BAZ1A: variants seen among roughly 807,000 people sequenced by gnomAD.
The protein encoded by BAZ1A is bromodomain adjacent to zinc finger domain protein 1A.
Under a neutral mutation model 185.2 loss-of-function variants are expected in BAZ1A, and 50 were observed. The observed-to-expected ratio is 0.27, with a 90% CI of 0.22 to 0.34. The LOEUF (loss-of-function observed/expected upper bound fraction) is 0.34, where lower values mean the gene tolerates loss of function less well. Among genes scored for constraint, BAZ1A ranks in the 10% least tolerant of loss-of-function variants. The pLI is 1.00. For synonymous variants in BAZ1A, 571 were observed against 615.6 expected, an observed-to-expected ratio of 0.93 and a Z score of 1.07; for missense variants, 1,356 against 1,839.9, an observed-to-expected ratio of 0.74 and a Z score of 4.81.
chr14:34,862,458 G>T, intron 2 of BAZ1A, 136 bp from the exon 3 acceptor site: 1 of 894,144 alleles, frequency 1.1e-6, no homozygotes. Context: ...AGAACTCAAG[G>T]GTTTGGTAAC....
intron 16 of BAZ1A, among the ~76,000 whole-genome samples, chr14:34,782,231 GTTA>G (rs1880082283): frequency 6.6e-6 from 1 of 152,142 alleles, no homozygotes; most frequent in African/African-American, 2.4e-5. Context: ...ATCCAAACTT[GTTA>G]TTGTTTGTCA....
intron 2 of BAZ1A, among the ~76,000 whole-genome samples, chr14:34,870,671 C>T (rs1377036080): frequency 1.3e-5 from 2 of 152,158 alleles, no homozygotes; most frequent in East Asian, 3.8e-4. Context: ...CATACTTCAA[C>T]AGATATCAGG....
intron 3 of BAZ1A, among the ~76,000 whole-genome samples, chr14:34,832,799 A>G (rs2042269169): frequency 6.6e-6 from 1 of 152,204 alleles, no homozygotes; most frequent in African/African-American, 2.4e-5. Context: ...CATATAGCCC[A>G]GTAATTCCAC....
intron 12 of BAZ1A, among the ~76,000 whole-genome samples, chr14:34,789,546 G>C (rs1217997461): frequency 1.3e-5 from 2 of 152,068 alleles, no homozygotes; most frequent in Admixed American, 1.3e-4. Context: ...TGATAATCTA[G>C]AATTAGGTGC....
intron 20 of BAZ1A, among the ~76,000 whole-genome samples, chr14:34,772,346 T>TTGAGAAAGTGA (rs1157581557): frequency 7.9e-5 from 12 of 152,278 alleles, no homozygotes; most frequent in African/African-American, 2.9e-4. Flanking sequence ...ACTTTAGGGC[T>TTGAGAAAGTGA]CAGCTTTGCA....
intron 3 of BAZ1A, among the ~76,000 whole-genome samples, chr14:34,827,461 C>A (rs1171121879): frequency 2.0e-5 from 3 of 152,088 alleles, no homozygotes; most frequent in Non-Finnish European, 4.4e-5. Flanking sequence ...CATTGCCGGG[C>A]GCGGTGGCTC....
intron 3 of BAZ1A, among the ~76,000 whole-genome samples, chr14:34,859,836 T>C (rs1184188648): frequency 1.3e-5 from 2 of 152,162 alleles, no homozygotes; most frequent in African/African-American, 4.8e-5. Flanking sequence ...ACATATGAAT[T>C]CTAATTCGTG....
At chr14:34,784,949 T>C (rs1471694369) in intron 14 of BAZ1A, among the ~76,000 whole-genome samples, 1 of 151,888 alleles carries the variant, frequency 6.6e-6, no homozygotes, top group Non-Finnish European at 1.5e-5. Flanking sequence ...CTCTGCCTCC[T>C]GGGTTCAAGC....
At chr14:34,825,544 A>G (rs1231337126) in intron 4 of BAZ1A, among the ~76,000 whole-genome samples, 1 of 151,904 alleles carries the variant, frequency 6.6e-6, no homozygotes, top group East Asian at 1.9e-4. Flanking sequence ...GAACTAGGAA[A>G]ATTTCAATTT....
At chr14:34,868,894 ATGTATG>A (rs146274997) in intron 2 of BAZ1A, among the ~76,000 whole-genome samples, 19,904 of 70,852 alleles carry the variant, frequency 0.28, 1,583 homozygotes, top group Admixed American at 0.44. Flanking sequence ...GTATGTAAGT[ATGTATG>A]TGTGTGTGTG....
At chr14:34,755,634 C>T (rs1388365576) in intron 25 of BAZ1A, among the ~76,000 whole-genome samples, 2 of 151,608 alleles carry the variant, frequency 1.3e-5, no homozygotes, top group Non-Finnish European at 3.0e-5. Flanking sequence ...ATGCTCAAAT[C>T]AATCTCTGTC....
intron 4 of BAZ1A, among the ~76,000 whole-genome samples, chr14:34,812,108 T>C (rs1371131013): frequency 6.6e-6 from 1 of 151,916 alleles, no homozygotes; most frequent in Non-Finnish European, 1.5e-5. Context: ...GGAGAAGTGA[T>C]AAGTGCTATG....
chr14:34,821,503 T>C (rs776285330), intron 4 of BAZ1A, among the ~76,000 whole-genome samples: 4 of 152,188 alleles, frequency 2.6e-5, no homozygotes, highest in Non-Finnish European at 5.9e-5. Context: ...ATTACTCAAA[T>C]TAGAGAACTT....
chr14:34,786,450 A>T (rs1880443382), intron 12 of BAZ1A: 1 of 427,986 alleles, frequency 2.3e-6, no homozygotes. Context: ...CAGAAAAGAC[A>T]ATTTCCAAAT....
At chr14:34,832,063 GTGCACT>G (rs1001708631) in intron 3 of BAZ1A, among the ~76,000 whole-genome samples, 20 of 151,514 alleles carry the variant, frequency 1.3e-4, no homozygotes, top group African/African-American at 4.8e-4. Context: ...GCATAGTGGT[GTGCACT>G]TGCAGTCCCA....
At chr14:34,818,563 T>C (rs1321179424) in intron 4 of BAZ1A, among the ~76,000 whole-genome samples, 1 of 152,134 alleles carries the variant, frequency 6.6e-6, no homozygotes, top group Non-Finnish European at 1.5e-5. Flanking sequence ...ATTCTATGGG[T>C]TTTCACAAAT....
chr14:34,843,186 G>A (rs1377458314), intron 3 of BAZ1A, among the ~76,000 whole-genome samples: 1 of 151,924 alleles, frequency 6.6e-6, no homozygotes, highest in Non-Finnish European at 1.5e-5. Context: ...ATATAAGGAG[G>A]ATCTAAAATT....
At chr14:34,813,336 T>C (rs2041957664) in intron 4 of BAZ1A, among the ~76,000 whole-genome samples, 1 of 151,914 alleles carries the variant, frequency 6.6e-6, no homozygotes, top group Admixed American at 6.6e-5. Context: ...CTTCAGTGAG[T>C]TGTGATTGTG....
intron 11 of BAZ1A, among the ~76,000 whole-genome samples, chr14:34,793,921 G>A (rs1193862375): frequency 4.0e-5 from 6 of 151,136 alleles, no homozygotes; most frequent in Admixed American, 6.6e-5. Flanking sequence ...CAGCCTGGGC[G>A]ACAGAGCGAG....
Sources: gnomAD v4.1 joint callset for allele counts (sites outside exome capture counted in the v4.1 genomes callset) on GRCh38, gnomAD v4.1.1 for gene constraint, MANE v1.5 for transcripts, NCBI Gene and HGNC (gene_info 2026-07-23, HGNC 2026-07-21) for gene names.